The following CUX1 variants were observed in gnomAD, a reference collection of about 807,000 sequenced individuals.
CUX1 encodes cut like homeobox 1.
Under a neutral mutation model 158.8 loss-of-function variants are expected in CUX1, and 31 were observed. The observed-to-expected ratio is 0.20, with a 90% CI of 0.15 to 0.26. The LOEUF (loss-of-function observed/expected upper bound fraction) is 0.26, where lower values mean the gene tolerates loss of function less well. CUX1 is among the 10% of genes least tolerant of loss of function. CUX1 has a pLI of 1.00. For synonymous variants in CUX1, 879 were observed against 862.1 expected, an observed-to-expected ratio of 1.02 and a Z score of -0.34; for missense variants, 1,589 against 2,014.6, an observed-to-expected ratio of 0.79 and a Z score of 4.04.
rs911983988 is a variant in CUX1, at chr7:102,252,249, G to T, written c.*3207G>T. The T allele has an allele frequency of 1.6e-5, 16 of 985,360 alleles. No homozygotes were observed. The South Asian group carries it at 2.3e-4, about 14-fold the overall frequency. 61.0% of individuals were successfully genotyped at this position (985,360 alleles called of 1,614,324 possible). The stretch of plus-strand genomic sequence containing the variant: ...GTGGCCAGGGGAGCACCCCCTCCTG[G>T]TTGGGCCCCTCAGTTGGAGTCTAAG... On this transcript the variant is annotated 3_prime_UTR_variant, in exon 24 of 24. Coordinates refer to ENST00000292535, the MANE Select transcript of CUX1 (RefSeq NM_181552.4).
chr7:102,013,910 G>T (rs1434526963), intron 2 of CUX1, among the ~76,000 whole-genome samples: 3 of 152,088 alleles, frequency 2.0e-5, no homozygotes, highest in Non-Finnish European at 4.4e-5. Flanking sequence ...TCGCCATGTT[G>T]CCCAAGCTGG....
intron 1 of CUX1, among the ~76,000 whole-genome samples, chr7:101,893,583 G>T (rs150187035): frequency 6.4e-4 from 98 of 152,220 alleles, no homozygotes; most frequent in African/African-American, 2.2e-3. Flanking sequence ...GGCCAAGTTT[G>T]CCAAAGACTC....
intron 1 of CUX1, among the ~76,000 whole-genome samples, chr7:101,856,523 C>T (rs939500662): frequency 6.6e-6 from 1 of 152,158 alleles, no homozygotes; most frequent in African/African-American, 2.4e-5. Context: ...AGCTGGAAAA[C>T]CCTTCAGCGT....
intron 2 of CUX1, among the ~76,000 whole-genome samples, chr7:101,999,024 T>TGCTG (rs1202359882): frequency 1.3e-5 from 2 of 151,944 alleles, no homozygotes; most frequent in Non-Finnish European, 2.9e-5. Flanking sequence ...CAGGCAGGAA[T>TGCTG]GCTGGCCTCC....
chr7:102,148,934 C>T (rs1183173766), intron 8 of CUX1, among the ~76,000 whole-genome samples: 1 of 151,896 alleles, frequency 6.6e-6, no homozygotes, highest in Non-Finnish European at 1.5e-5. Flanking sequence ...TTTGGTTTTC[C>T]ATTCCTGAGT....
intron 2 of CUX1, among the ~76,000 whole-genome samples, chr7:101,927,095 C>T (rs1052263916): frequency 7.3e-5 from 11 of 151,690 alleles, no homozygotes; most frequent in Non-Finnish European, 1.5e-4. Context: ...AGTCAGAGAA[C>T]GTGTTTTGAT....
intron 13 of CUX1, among the ~76,000 whole-genome samples, chr7:102,195,238 T>A (rs192062678): frequency 7.3e-6 from 1 of 137,606 alleles, no homozygotes; most frequent in African/African-American, 2.7e-5. Flanking sequence ...TGAGAACAGA[T>A]GAGAGAATAA....
intron 2 of CUX1, among the ~76,000 whole-genome samples, chr7:101,999,545 A>T (rs1816417469): frequency 6.6e-6 from 1 of 152,066 alleles, no homozygotes; most frequent in South Asian, 2.1e-4. Context: ...AGAAAGCAGG[A>T]TTGCCACCAC....
At chr7:102,158,257 T>C (rs1790007189) in intron 8 of CUX1, among the ~76,000 whole-genome samples, 1 of 152,174 alleles carries the variant, frequency 6.6e-6, no homozygotes, top group Non-Finnish European at 1.5e-5. Flanking sequence ...TCAGAGCTCT[T>C]TTTGAACCCT....
chr7:101,968,484 G>A (rs979993718), intron 2 of CUX1, among the ~76,000 whole-genome samples: 3 of 152,060 alleles, frequency 2.0e-5, no homozygotes, highest in Non-Finnish European at 2.9e-5. Flanking sequence ...GTGCAGTGGC[G>A]CGATCTTGGC....
At chr7:102,273,368 C>T (rs782171972) in exon 15 of CUX1, 17 of 1,611,558 alleles carry the variant, frequency 1.1e-5, no homozygotes, top group African/African-American at 2.7e-5. Context: ...GGCCACAGGA[C>T]GCTGTGCGGA....
chr7:102,114,457 A>G (rs1831241188), intron 7 of CUX1, among the ~76,000 whole-genome samples: 1 of 152,174 alleles, frequency 6.6e-6, no homozygotes, highest in Non-Finnish European at 1.5e-5. Flanking sequence ...TTGTATTTTT[A>G]GTAGAGACAG....
chr7:102,018,407 C>A (rs1336188963), intron 2 of CUX1, among the ~76,000 whole-genome samples: 1 of 152,252 alleles, frequency 6.6e-6, no homozygotes, highest in East Asian at 1.9e-4. Flanking sequence ...GATCCCCTGG[C>A]CATGAGGACA....
chr7:102,038,369 T>TG (rs1038998326), intron 3 of CUX1, among the ~76,000 whole-genome samples: 1 of 152,072 alleles, frequency 6.6e-6, no homozygotes, highest in African/African-American at 2.4e-5. Flanking sequence ...CGCATGTCAA[T>TG]GGGGGGAGAA....
At chr7:102,152,246 G>C (rs1270988539) in intron 8 of CUX1, among the ~76,000 whole-genome samples, 1 of 152,110 alleles carries the variant, frequency 6.6e-6, no homozygotes, top group African/African-American at 2.4e-5. Flanking sequence ...AGCTACTCAA[G>C]AGACTGGGGC....
At chr7:101,900,119 A>T (rs1373835688) in intron 1 of CUX1, among the ~76,000 whole-genome samples, 3 of 152,126 alleles carry the variant, frequency 2.0e-5, no homozygotes, top group African/African-American at 7.2e-5. Context: ...GAATGGGGAG[A>T]CTAGCAGCAC....
At chr7:102,058,059 C>G (rs1824363962) in intron 3 of CUX1, among the ~76,000 whole-genome samples, 1 of 152,146 alleles carries the variant, frequency 6.6e-6, no homozygotes, top group African/African-American at 2.4e-5. Flanking sequence ...AGGCAAGACT[C>G]TCCACCAGCA....
chr7:101,978,674 G>A, intron 2 of CUX1, among the ~76,000 whole-genome samples: 1 of 152,174 alleles, frequency 6.6e-6, no homozygotes, highest in Non-Finnish European at 1.5e-5. Flanking sequence ...TCACTGGCTG[G>A]GCCACGGCCC....
chr7:102,113,870 T>TA (rs1382760175), intron 7 of CUX1, among the ~76,000 whole-genome samples: 7 of 152,060 alleles, frequency 4.6e-5, no homozygotes, highest in South Asian at 2.1e-4. Context: ...ACCTGGCCTT[T>TA]AAAAAAAATA....
Sources: gnomAD v4.1 joint callset for allele counts (sites outside exome capture counted in the v4.1 genomes callset) on GRCh38, gnomAD v4.1.1 for gene constraint, MANE v1.5 for transcripts, NCBI Gene and HGNC (gene_info 2026-07-23, HGNC 2026-07-21) for gene names.